The following GPATCH8 variants were observed in gnomAD, a reference collection of about 807,000 sequenced individuals.
The protein encoded by GPATCH8 is G patch domain-containing protein 8.
GPATCH8 carries 18 observed loss-of-function variants against 118.3 expected under a neutral mutation model. The ratio of observed to expected loss-of-function variants is 0.15; its 90% CI spans 0.11 to 0.23. The LOEUF is 0.23. Ranked by LOEUF, GPATCH8 falls within the 10% of genes least tolerant of loss-of-function variation. GPATCH8 has a pLI of 1.00. For synonymous variants in GPATCH8, 659 were observed against 684.7 expected (o/e 0.96, Z 0.59); for missense variants, 1,631 against 1,873.8 (o/e 0.87, Z 2.39).
intron 1 of GPATCH8, among the ~76,000 whole-genome samples, chr17:44,493,420 A>T (rs1249435539): frequency 6.6e-6 from 1 of 152,180 alleles, no homozygotes; most frequent in Admixed American, 6.5e-5. Context: ...TAATAAGCAT[A>T]CCAACTATTT....
At chr17:44,411,567 C>G (rs920254339) in intron 6 of GPATCH8, among the ~76,000 whole-genome samples, 1 of 152,088 alleles carries the variant, frequency 6.6e-6, no homozygotes, top group African/African-American at 2.4e-5. Context: ...AGAAAACAGG[C>G]AGAATTTAGG....
At chr17:44,412,303 T>C (rs1276723170) in intron 6 of GPATCH8, among the ~76,000 whole-genome samples, 1 of 152,154 alleles carries the variant, frequency 6.6e-6, no homozygotes, top group Non-Finnish European at 1.5e-5. Flanking sequence ...GGCAGGAGGA[T>C]TGCTTGAGTT....
chr17:44,475,673 G>A (rs927331515), intron 1 of GPATCH8, among the ~76,000 whole-genome samples: 1 of 151,694 alleles, frequency 6.6e-6, no homozygotes, highest in African/African-American at 2.4e-5. Flanking sequence ...CAGCCTGGGA[G>A]ACAGAGCGAG....
chr17:44,470,715 G>C (rs998693325), intron 2 of GPATCH8, among the ~76,000 whole-genome samples: 5 of 151,766 alleles, frequency 3.3e-5, no homozygotes, highest in African/African-American at 9.7e-5. Context: ...TCACCATGTT[G>C]GTCAGGCTGT....
At chr17:44,488,957 G>A (rs1051630526) in intron 1 of GPATCH8, among the ~76,000 whole-genome samples, 5 of 151,364 alleles carry the variant, frequency 3.3e-5, no homozygotes, top group African/African-American at 1.2e-4. Flanking sequence ...ATGATGGCGG[G>A]TGCCTGTAAT....
At position 44,399,915 on chromosome 17, in the gene GPATCH8, G is replaced by A. The variant is rs902117611; in HGVS notation, c.2162C>T (p.Ser721Leu). 3.1e-6 allele frequency: 5 copies of A among 1,613,818 alleles called. No homozygotes were observed. Among genetic ancestry groups the A allele is most frequent in the Non-Finnish European group, 4.2e-6 (5 of 1,179,972 alleles). ...TCGTTCAGAATCTGCTGGGGCTGAT[G>A]ACTTATTCTTCTTTCGTTTTCGTTT... ...RKKRKRKKNK[S>L]SAPADSERGP... The change falls in exon 8 of 8, where the codon TCA becomes TTA. Residue 721 changes from serine (S) to leucine (L), a missense_variant. Physicochemically the swap from Ser to Leu is moderately radical, Grantham distance 145 (BLOSUM62 -2). Coordinates refer to ENST00000591680, the MANE Select transcript of GPATCH8 (RefSeq NM_001002909.4).
At chr17:44,480,704 G>C (rs1432155860) in intron 1 of GPATCH8, among the ~76,000 whole-genome samples, 3 of 146,850 alleles carry the variant, frequency 2.0e-5, no homozygotes, top group Non-Finnish European at 4.5e-5. Flanking sequence ...TGGGCAACAA[G>C]GGCAAAAAAA....
chr17:44,503,135 G>A (rs1970219852), intron 1 of GPATCH8, among the ~76,000 whole-genome samples, 191 bp downstream of exon 1: 1 of 152,238 alleles, frequency 6.6e-6, no homozygotes, highest in Non-Finnish European at 1.5e-5. Context: ...AGGGGTAAGA[G>A]AATGCGGGTG....
intron 6 of GPATCH8, among the ~76,000 whole-genome samples, chr17:44,421,516 C>T (rs556268241): frequency 2.2e-4 from 33 of 151,966 alleles, no homozygotes; most frequent in African/African-American, 7.2e-4. Context: ...CAGGTGCACA[C>T]TACCATGCCC....
At chr17:44,408,430 G>T (rs899428891) in intron 6 of GPATCH8, among the ~76,000 whole-genome samples, 1 of 151,762 alleles carries the variant, frequency 6.6e-6, no homozygotes, top group Non-Finnish European at 1.5e-5. Context: ...CAGGTGATCC[G>T]CCCGCCTCGG....
chr17:44,429,863 A>C (rs1172033588), intron 5 of GPATCH8, among the ~76,000 whole-genome samples: 1 of 124,596 alleles, frequency 8.0e-6, no homozygotes, highest in African/African-American at 3.8e-5. Context: ...GACTCCGTCT[A>C]AAAAAAAAAA....
In GPATCH8 at chr17:44,396,771, T is replaced by C. The variant is rs1168201236; in HGVS notation, c.*797A>G. ...CGTTTATAGAGTTCAGTGCAATTTT[T>C]TACATTAAAAAAATCCTATAAATTA... On this transcript the variant is annotated 3_prime_UTR_variant, in exon 8 of 8. Coordinates refer to ENST00000591680, the MANE Select transcript of GPATCH8 (RefSeq NM_001002909.4). 4 of 453,838 alleles carry C rather than the reference T, an allele frequency of 8.8e-6. No individual in the cohort carries two copies. The highest frequency in any genetic ancestry group is 1.8e-5 in the Non-Finnish European group (4 of 226,684). The allele number at this position is 453,838 out of a possible 1,614,324, so 28.1% of individuals were successfully genotyped here. A position where few individuals can be genotyped will look rare whatever the true frequency, so the allele number is the denominator to read the frequency against.
At chr17:44,458,038 T>C (rs1445345580) in intron 3 of GPATCH8, among the ~76,000 whole-genome samples, 1 of 151,530 alleles carries the variant, frequency 6.6e-6, no homozygotes, top group African/African-American at 2.4e-5. Flanking sequence ...TGAGCCGAGA[T>C]TGTGCCACTG....
In GPATCH8 at chr17:44,444,382, T is replaced by C. The variant is rs1479149403; in HGVS notation, c.194-7837A>G. On this transcript the variant is annotated intron_variant, in intron 3 of 7. Coordinates refer to ENST00000591680, the MANE Select transcript of GPATCH8 (RefSeq NM_001002909.4). Reference sequence around the variant, plus strand: ...GCTAAGATCAATTTGTTTTTTCAAATGGGAAAGCCAAATTAATAAATACAA... The same window carrying C: ...GCTAAGATCAATTTGTTTTTTCAAACGGGAAAGCCAAATTAATAAATACAA... Among the ~76,000 whole-genome samples the C allele has an allele frequency of 2.6e-5, 4 of 151,750 alleles. No individual in the cohort carries two copies. In the East Asian group the frequency reaches 5.8e-4, roughly 22 times the overall value.
In GPATCH8 at chr17:44,439,533, A is replaced by G. The variant is rs550214079; in HGVS notation, c.194-2988T>C. Among the ~76,000 whole-genome samples, 4 of 152,272 alleles carry G rather than the reference A, an allele frequency of 2.6e-5. No individual in the cohort carries two copies. In the East Asian group the frequency reaches 5.8e-4, roughly 22 times the overall value. On this transcript the variant is annotated intron_variant, in intron 3 of 7. Transcript: ENST00000591680. ...CTGGGCCAAGTAGTAATTTCTTAAC[A>G]TTATTAAAGAGGCTATAGACCAAGG...
intron 1 of GPATCH8, chr17:44,486,061 ATT>A (rs756883397): frequency 6.6e-6 from 1 of 152,216 alleles, no homozygotes; most frequent in African/African-American, 2.4e-5. Context: ...CACCTGGCTA[ATT>A]TTTGTTTGTT....
chr17:44,444,084 A>G (rs1467918332), intron 3 of GPATCH8, among the ~76,000 whole-genome samples: 2 of 152,228 alleles, frequency 1.3e-5, no homozygotes, highest in Non-Finnish European at 1.5e-5. Flanking sequence ...AATTTTAATC[A>G]TATAACTAAA....
chr17:44,450,577 A>G (rs954108982), intron 3 of GPATCH8, among the ~76,000 whole-genome samples: 1 of 99,486 alleles, frequency 1.0e-5, no homozygotes, highest in African/African-American at 3.9e-5. Flanking sequence ...CTAATAAACT[A>G]CATTTGAAAT....
chr17:44,484,040 C>T (rs892635682), intron 1 of GPATCH8, among the ~76,000 whole-genome samples: 4 of 152,214 alleles, frequency 2.6e-5, no homozygotes, highest in East Asian at 1.9e-4. Flanking sequence ...CAGGGTTTCA[C>T]TGTGTTAGCC....
Sources: allele counts gnomAD v4.1 joint callset (sites outside exome capture counted in the v4.1 genomes callset), GRCh38; gene constraint gnomAD v4.1.1; transcripts MANE v1.5; gene names NCBI Gene and HGNC (gene_info 2026-07-23, HGNC 2026-07-21).